The following PATJ variants were observed in gnomAD, a reference collection of about 807,000 sequenced individuals.
The protein encoded by PATJ is inaD-like protein.
A neutral mutation model predicts 224.9 loss-of-function variants in PATJ; 190 were observed. The ratio of observed to expected loss-of-function variants is 0.84; its 90% confidence interval spans 0.75 to 0.95. The LOEUF is 0.95. Among genes scored for constraint, PATJ ranks in the 40% least tolerant of loss-of-function variants. The pLI, the probability that PATJ is intolerant of heterozygous loss-of-function variation, is 0.00. For missense variants in PATJ, 2,121 were observed against 2,270.3 expected, an observed-to-expected ratio of 0.93 and a Z score of 1.34; for synonymous variants, 769 against 820.3, an observed-to-expected ratio of 0.94 and a Z score of 1.07.
rs1558254804 is a variant in PATJ at position 62,161,327 on chromosome 1, ATTTCTTT to A, written c.*277_*283del. On this transcript the variant is annotated 3_prime_UTR_variant, in exon 44 of 44. Coordinates refer to ENST00000642238, the MANE Select transcript of PATJ (RefSeq NM_001350145.3). ...TTTTGCATTTAATTTCAGTGTTCCG[ATTTCTTT>A]TTTTTTTTTTTTTTTTTTTTTTGAG... 5.2e-5 allele frequency: 7 copies of A among 133,840 alleles called. No homozygotes were observed. Among genetic ancestry groups the A allele is most frequent in the East Asian group, 5.1e-4 (3 of 5,932 alleles). 8.3% of individuals were successfully genotyped at this position (133,840 alleles called of 1,614,324 possible). A position where few individuals can be genotyped will look rare whatever the true frequency, so the allele number is the denominator to read the frequency against.
intron 27 of PATJ, among the ~76,000 whole-genome samples, chr1:61,989,332 G>A (rs1421869171): frequency 6.6e-6 from 1 of 152,134 alleles, no homozygotes; most frequent in African/African-American, 2.4e-5. Context: ...ATGAAAAAGT[G>A]GAACCTCATA....
intron 27 of PATJ, among the ~76,000 whole-genome samples, chr1:61,946,501 C>T (rs1199632600): frequency 6.6e-6 from 1 of 152,142 alleles, no homozygotes; most frequent in Non-Finnish European, 1.5e-5. Context: ...CATACACCCT[C>T]CCAAGACTAA....
chr1:62,134,562 C>G (rs912103924), intron 41 of PATJ, among the ~76,000 whole-genome samples: 1 of 149,560 alleles, frequency 6.7e-6, no homozygotes, highest in Non-Finnish European at 1.5e-5. Flanking sequence ...TCAGCCTGGT[C>G]TCAAACTCCT....
intron 28 of PATJ, among the ~76,000 whole-genome samples, chr1:62,017,045 C>T (rs1646806841): frequency 6.6e-6 from 1 of 152,162 alleles, no homozygotes; most frequent in South Asian, 2.1e-4. Context: ...TAACTGTAGT[C>T]AAAACTGAAT....
intron 27 of PATJ, among the ~76,000 whole-genome samples, chr1:61,946,793 A>C (rs930808863): frequency 6.6e-6 from 1 of 152,224 alleles, no homozygotes; most frequent in Non-Finnish European, 1.5e-5. Context: ...AATATCCCTG[A>C]TGAACATCGA....
At chr1:61,844,508 A>T (rs1315150645) in intron 17 of PATJ, among the ~76,000 whole-genome samples, 5 of 152,172 alleles carry the variant, frequency 3.3e-5, no homozygotes, top group Non-Finnish European at 7.4e-5. Context: ...ACCCACTGTC[A>T]ACTGCAGTCT....
intron 14 of PATJ, among the ~76,000 whole-genome samples, chr1:61,813,360 TATATATATATATATATATACACAC>T (rs1233551304): frequency 2.0e-4 from 11 of 54,040 alleles, no homozygotes; most frequent in Non-Finnish European, 2.9e-4. Context: ...TATATATATA[TATATATATATATATATATACACAC>T]ACACACACAC....
intron 27 of PATJ, among the ~76,000 whole-genome samples, chr1:61,967,456 A>C (rs577925025): frequency 2.0e-5 from 3 of 152,330 alleles, no homozygotes; most frequent in Admixed American, 2.0e-4. Context: ...TGACTTGATT[A>C]GATGTTAGAA....
chr1:61,806,710 T>C (rs1653638692), intron 13 of PATJ, among the ~76,000 whole-genome samples: 1 of 152,166 alleles, frequency 6.6e-6, no homozygotes, highest in South Asian at 2.1e-4. Context: ...CTGCTGTTTC[T>C]TTGCTTCACA....
At chr1:61,976,566 C>A (rs2149483705) in intron 27 of PATJ, among the ~76,000 whole-genome samples, 1 of 152,052 alleles carries the variant, frequency 6.6e-6, no homozygotes, top group Admixed American at 6.5e-5. Context: ...ACCCATCATG[C>A]CTGGCTAATT....
intron 27 of PATJ, among the ~76,000 whole-genome samples, chr1:61,953,336 C>T (rs965602650): frequency 1.3e-5 from 2 of 152,148 alleles, no homozygotes; most frequent in Non-Finnish European, 2.9e-5. Context: ...GCAGTGCACA[C>T]GCAAATTAGG....
chr1:61,808,521 A>G lies in PATJ; in HGVS notation c.1674A>G (p.Lys558=), dbSNP rs1312120303. The G allele has an allele frequency of 6.2e-7, 1 of 1,602,456 alleles. No homozygotes were observed. The change falls in exon 14 of 44, where the codon AAA becomes AAG. Residue 558 remains lysine (K), a synonymous_variant. Coordinates refer to ENST00000642238, the MANE Select transcript of PATJ (RefSeq NM_001350145.3). ...TQIADDAELQ[K]YSKLLPIHTL... is the part of the protein sequence containing the mutation. ...TTGCAGATGATGCTGAGTTACAGAAATATTCAAAGGTAAGCATTTTTTATA... is the reference window on the plus strand; with the variant it reads ...TTGCAGATGATGCTGAGTTACAGAAGTATTCAAAGGTAAGCATTTTTTATA...
intron 26 of PATJ, among the ~76,000 whole-genome samples, chr1:61,921,525 T>C (rs1468602233): frequency 1.3e-5 from 2 of 152,172 alleles, no homozygotes; most frequent in Non-Finnish European, 2.9e-5. Context: ...AGATTGCAGG[T>C]AATTAGTTGC....
chr1:61,821,227 A>G (rs1657203085), intron 14 of PATJ, among the ~76,000 whole-genome samples: 1 of 151,852 alleles, frequency 6.6e-6, no homozygotes, highest in Non-Finnish European at 1.5e-5. Context: ...TTGTATTTTT[A>G]GTAGAGACAG....
intron 41 of PATJ, among the ~76,000 whole-genome samples, chr1:62,137,264 A>AAAAC (rs1406003085): frequency 1.3e-5 from 2 of 151,166 alleles, no homozygotes; most frequent in East Asian, 4.0e-4. Flanking sequence ...TTCTTAAAGG[A>AAAAC]AAACAGTGGG....
At chr1:61,808,287 A>G (rs1271561624) in intron 13 of PATJ, among the ~76,000 whole-genome samples, 187 bp from the exon 14 acceptor site, 2 of 152,216 alleles carry the variant, frequency 1.3e-5, no homozygotes, top group East Asian at 3.8e-4. Context: ...GAGAACAACA[A>G]CAAAAAAATC....
rs1244500450 is a variant in PATJ at position 61,777,684 on chromosome 1, CTTTTTTCTTTCTTTCTTTCTTT to C, written c.849+2357_849+2378del. Among the ~76,000 whole-genome samples, 8 of 120,976 alleles carry C rather than the reference CTTTTTTCTTTCTTTCTTTCTTT, an allele frequency of 6.6e-5. No individual in the cohort carries two copies. The East Asian group carries it at 1.8e-3, about 27-fold the overall frequency. The allele number at this position is 120,976 out of a possible 152,430, so 79.4% of individuals were successfully genotyped here. A position where few individuals can be genotyped will look rare whatever the true frequency, so the allele number is the denominator to read the frequency against. On this transcript the variant is annotated intron_variant, in intron 7 of 43. Coordinates refer to ENST00000642238, the MANE Select transcript of PATJ (RefSeq NM_001350145.3). ...TGTGAATGGATATTCTATTTTCTTC[CTTTTTTCTTTCTTTCTTTCTTT>C]TTTTTTTTTTTTTTTTTTTTTAGCA...
At chr1:62,060,522 C>T (rs1474670043) in intron 31 of PATJ, among the ~76,000 whole-genome samples, 1 of 151,866 alleles carries the variant, frequency 6.6e-6, no homozygotes, top group African/African-American at 2.4e-5. Flanking sequence ...CGCACAGTAC[C>T]ATACTTGGCT....
At chr1:62,117,027 C>A in intron 36 of PATJ, 105 bp from the exon 37 acceptor site, 1 of 944,898 alleles carries the variant, frequency 1.1e-6, no homozygotes, top group Non-Finnish European at 1.6e-6. Context: ...CTGTTGCTTT[C>A]ATTACCCTTT....
Sources: allele counts gnomAD v4.1 joint callset (sites outside exome capture counted in the v4.1 genomes callset), GRCh38; gene constraint gnomAD v4.1.1; transcripts MANE v1.5; gene names NCBI Gene and HGNC (gene_info 2026-07-23, HGNC 2026-07-21).